The following KCNB2 variants were observed in gnomAD, a reference collection of about 807,000 sequenced individuals.
KCNB2 encodes delayed rectifier potassium channel protein.
Under a neutral mutation model 61.5 loss-of-function variants are expected in KCNB2, and 15 were observed. That is an observed-to-expected ratio of 0.24 (90% CI 0.16 to 0.38). The LOEUF (loss-of-function observed/expected upper bound fraction) is 0.38, where lower values mean the gene tolerates loss of function less well. Among genes scored for constraint, KCNB2 ranks in the 10% least tolerant of loss-of-function variants. KCNB2 has a pLI of 1.00. For missense variants in KCNB2, 828 were observed against 1,125.2 expected, an observed-to-expected ratio of 0.74 and a Z score of 3.78; for synonymous variants, 457 against 446.0, an observed-to-expected ratio of 1.02 and a Z score of -0.31.
intron 2 of KCNB2, among the ~76,000 whole-genome samples, chr8:72,811,983 TG>T (rs1225699017): frequency 1.3e-5 from 2 of 152,174 alleles, no homozygotes; most frequent in Non-Finnish European, 2.9e-5. Context: ...TGAAGCAGGC[TG>T]GGCACCATGG....
At chr8:72,702,650 A>G (rs949958654) in intron 2 of KCNB2, among the ~76,000 whole-genome samples, 8 of 152,202 alleles carry the variant, frequency 5.3e-5, no homozygotes, top group Non-Finnish European at 1.0e-4. Context: ...ATATTGAACC[A>G]TGATGTTCAT....
intron 2 of KCNB2, among the ~76,000 whole-genome samples, chr8:72,684,062 A>G (rs1420090672): frequency 3.9e-5 from 6 of 152,142 alleles, no homozygotes; most frequent in Non-Finnish European, 8.8e-5. Flanking sequence ...GAGTGAGGTA[A>G]TCAGTTAGAA....
intron 1 of KCNB2, among the ~76,000 whole-genome samples, chr8:72,567,431 C>T (rs1451247408): frequency 6.6e-6 from 1 of 152,160 alleles, no homozygotes; most frequent in Non-Finnish European, 1.5e-5. Context: ...ACAACCTCTT[C>T]TGTGTAGTAC....
intron 2 of KCNB2, among the ~76,000 whole-genome samples, chr8:72,612,838 C>T (rs1436342182): frequency 6.6e-6 from 1 of 152,094 alleles, no homozygotes; most frequent in Non-Finnish European, 1.5e-5. Flanking sequence ...ATATAAAGTA[C>T]AGCATGAGAA....
intron 2 of KCNB2, among the ~76,000 whole-genome samples, chr8:72,592,612 G>A (rs770268056): frequency 1.1e-4 from 17 of 152,208 alleles, no homozygotes; most frequent in Non-Finnish European, 2.2e-4. Context: ...TGTAGTGGAT[G>A]CCACTGCTGG....
chr8:72,709,439 T>C (rs1807288577), intron 2 of KCNB2, among the ~76,000 whole-genome samples: 1 of 151,898 alleles, frequency 6.6e-6, no homozygotes, highest in Admixed American at 6.6e-5. Flanking sequence ...CTCACAGTCC[T>C]GCAGGCTGTA....
intron 2 of KCNB2, among the ~76,000 whole-genome samples, chr8:72,631,153 A>G (rs954196281): frequency 7.2e-5 from 11 of 152,210 alleles, no homozygotes; most frequent in African/African-American, 1.2e-4. Flanking sequence ...TCTTTTTCTC[A>G]GAATATCTTG....
intron 2 of KCNB2, among the ~76,000 whole-genome samples, chr8:72,720,964 C>T (rs1453831572): frequency 4.6e-5 from 7 of 152,118 alleles, no homozygotes; most frequent in African/African-American, 1.7e-4. Flanking sequence ...TTGTTTTGTA[C>T]TGTGTAGATA....
intron 1 of KCNB2, among the ~76,000 whole-genome samples, chr8:72,557,713 G>A (rs1273750182): frequency 2.6e-5 from 4 of 152,202 alleles, no homozygotes; most frequent in Admixed American, 6.5e-5. Flanking sequence ...CAGACTAGGA[G>A]CTTCTCTTGT....
chr8:72,676,662 A>G (rs951383795), intron 2 of KCNB2, among the ~76,000 whole-genome samples: 1 of 152,088 alleles, frequency 6.6e-6, no homozygotes, highest in Non-Finnish European at 1.5e-5. Flanking sequence ...AAAAAGTATT[A>G]ACTATTAGCG....
intron 1 of KCNB2, among the ~76,000 whole-genome samples, chr8:72,556,913 C>T (rs746107605): frequency 6.6e-6 from 1 of 152,076 alleles, no homozygotes; most frequent in Non-Finnish European, 1.5e-5. Context: ...ATAGGAAGTT[C>T]AAGATCAAGG....
chr8:72,805,920 G>T (rs1443380857), intron 2 of KCNB2, among the ~76,000 whole-genome samples: 8 of 152,170 alleles, frequency 5.3e-5, no homozygotes, highest in Non-Finnish European at 1.0e-4. Flanking sequence ...GCATTGGGCT[G>T]GATGAGGAAA....
chr8:72,642,492 C>G (rs1806071950), intron 2 of KCNB2, among the ~76,000 whole-genome samples: 3 of 152,016 alleles, frequency 2.0e-5, no homozygotes, highest in Admixed American at 6.6e-5. Flanking sequence ...TGGACTCACA[C>G]AGCTTACAGT....
At chr8:72,756,769 A>T (rs959031320) in intron 2 of KCNB2, among the ~76,000 whole-genome samples, 2 of 152,178 alleles carry the variant, frequency 1.3e-5, no homozygotes, top group Non-Finnish European at 2.9e-5. Context: ...AAGAGGTGGG[A>T]CAGCTTTGAG....
intron 2 of KCNB2, among the ~76,000 whole-genome samples, chr8:72,675,905 C>G (rs1806646203): frequency 6.6e-6 from 1 of 151,990 alleles, no homozygotes; most frequent in South Asian, 2.1e-4. Context: ...TGTAAGAGCT[C>G]CATTGTCCTT....
At position 72,884,263 on chromosome 8, in the gene KCNB2, T is replaced by TG. The variant is rs768466457; in HGVS notation, c.580-51669dup. Among the ~76,000 whole-genome samples the TG allele has an allele frequency of 1.2e-3, 188 of 152,252 alleles. 1 individual carries two copies. The highest frequency in any genetic ancestry group is 4.1e-4 in the Non-Finnish European group (28 of 68,020). ...TTTATTTTCCCCTTTTTTTTTCTCT[T>TG]GGGTTGTCTTCTTTATGTTGACTTG... On this transcript the variant is annotated intron_variant, in intron 2 of 2. Transcript: ENST00000523207.
chr8:72,643,855 C>T (rs1312226321), intron 2 of KCNB2, among the ~76,000 whole-genome samples: 1 of 151,938 alleles, frequency 6.6e-6, no homozygotes, highest in Non-Finnish European at 1.5e-5. Context: ...AACACCACCC[C>T]GTACTCAAGG....
Position 72,936,996 on chromosome 8 carries a change from C to T in KCNB2, c.1641C>T (p.Ile547=), listed in dbSNP as rs200324895. ...AACTGGAGATGCTATACAATGAAAT[C>T]ACCAAGACACAGCCTCATTCTCACC... ...AQKLEMLYNE[I]TKTQPHSHPN... The change falls in exon 3 of 3, where the codon ATC becomes ATT. Residue 547 remains isoleucine (I), a synonymous_variant. Coordinates refer to ENST00000523207, the MANE Select transcript of KCNB2 (RefSeq NM_004770.3). The surrounding 1 kb of genome is among the most constrained non-coding windows in gnomAD (Gnocchi z 5.6). The T allele has an allele frequency of 6.2e-7, 1 of 1,614,150 alleles. No individual in the cohort carries two copies. The highest frequency in any genetic ancestry group is 2.2e-5 in the East Asian group (1 of 44,872).
At chr8:72,559,002 T>A (rs759855761) in intron 1 of KCNB2, among the ~76,000 whole-genome samples, 1 of 151,962 alleles carries the variant, frequency 6.6e-6, no homozygotes, top group East Asian at 1.9e-4. Flanking sequence ...AAGAAGGATC[T>A]ACAACAGAGA....
Sources: allele counts gnomAD v4.1 joint callset (sites outside exome capture counted in the v4.1 genomes callset), GRCh38; gene constraint gnomAD v4.1.1; non-coding constraint Gnocchi (gnomAD v3.1); transcripts MANE v1.5; gene names NCBI Gene and HGNC (gene_info 2026-07-23, HGNC 2026-07-21).